The following MTHFD1L variants were observed in gnomAD, a reference collection of about 807,000 sequenced individuals.
The protein encoded by MTHFD1L is monofunctional C1-tetrahydrofolate synthase, mitochondrial.
MTHFD1L carries 81 observed loss-of-function variants against 119.5 expected under a neutral mutation model. The observed-to-expected ratio is 0.68, with a 90% CI of 0.57 to 0.82. The LOEUF is 0.82. Ranked by LOEUF, MTHFD1L falls within the 40% of genes least tolerant of loss-of-function variation. The pLI, the probability that MTHFD1L is intolerant of heterozygous loss-of-function variation, is 0.00. For missense variants in MTHFD1L, 1,125 were observed against 1,253.4 expected (o/e 0.90, Z 1.55); for synonymous variants, 430 against 475.2 (o/e 0.90, Z 1.24).
In MTHFD1L at chr6:150,865,762, G is replaced by T; in HGVS notation, c.-61G>T. The T allele has an allele frequency of 8.3e-7, 1 of 1,207,626 alleles. No homozygotes were observed. The highest frequency in any genetic ancestry group is 1.0e-6 in the Non-Finnish European group (1 of 970,088). The allele number at this position is 1,207,626 out of a possible 1,614,324, so 74.8% of individuals were successfully genotyped here. A position where few individuals can be genotyped will look rare whatever the true frequency, so the allele number is the denominator to read the frequency against. ...CCGCCGCCGCCTGCTCCCCTGGCAC[G>T]CGCCCCGCCGCCCTCGGCAGCCGCA... On this transcript the variant is annotated 5_prime_UTR_variant, in exon 1 of 28. Transcript: ENST00000367321.
intron 20 of MTHFD1L, among the ~76,000 whole-genome samples, chr6:150,986,689 C>T (rs929242727): frequency 6.6e-6 from 1 of 152,140 alleles, no homozygotes; most frequent in Non-Finnish European, 1.5e-5. Context: ...GGCTGCAGAC[C>T]AGGGGGTTAG....
chr6:150,916,737 CTTTTTTTTTTTTTTTTTT>C (rs57961829), intron 8 of MTHFD1L, among the ~76,000 whole-genome samples: 9 of 72,134 alleles, frequency 1.2e-4, no homozygotes, highest in African/African-American at 3.1e-4. Flanking sequence ...GATTCTATCC[CTTTTTTTTTTTTTTTTTT>C]TTTTTTTTTT....
chr6:150,921,597 A>G (rs6916599), intron 9 of MTHFD1L, among the ~76,000 whole-genome samples: 13,457 of 151,658 alleles, frequency 0.089, 816 homozygotes, highest in African/African-American at 0.17. Context: ...AGCTAGGATG[A>G]AGTACAGTGG....
At chr6:151,090,119 G>A (rs1011401469) in intron 26 of MTHFD1L, among the ~76,000 whole-genome samples, 21 of 152,188 alleles carry the variant, frequency 1.4e-4, no homozygotes, top group Non-Finnish European at 2.4e-4. Context: ...TGTTTTATGT[G>A]TTCCCCCAGC....
chr6:151,092,843 C>A (rs1562654125), intron 27 of MTHFD1L, among the ~76,000 whole-genome samples: 1 of 152,126 alleles, frequency 6.6e-6, no homozygotes. Flanking sequence ...GTTATGTCAT[C>A]CCTGAATATA....
intron 27 of MTHFD1L, among the ~76,000 whole-genome samples, chr6:151,098,463 G>A (rs1331101889): frequency 6.6e-6 from 1 of 152,114 alleles, no homozygotes; most frequent in Admixed American, 6.5e-5. Context: ...TGAGCCATCC[G>A]AGGAGTGCTG....
chr6:150,933,695 G>A (rs543968056), intron 11 of MTHFD1L, among the ~76,000 whole-genome samples: 8 of 152,128 alleles, frequency 5.3e-5, no homozygotes, highest in East Asian at 1.9e-4. Context: ...CCTCAGTGGC[G>A]TTTGACTTTC....
rs78279902 is a variant in MTHFD1L, at chr6:151,076,381, G to A, written c.2848-16086G>A. Among the ~76,000 whole-genome samples, 165 of 152,160 alleles carry A rather than the reference G, an allele frequency of 1.1e-3. 1 individual carries two copies. Among genetic ancestry groups the A allele is most frequent in the African/African-American group, 3.4e-3 (142 of 41,498 alleles). ...AAAAAAAGATTGGGCTGGGCACGGT[G>A]GCTCACAGCTGTAATTGCATCACTT... On this transcript the variant is annotated intron_variant, in intron 26 of 27. Coordinates refer to ENST00000367321, the MANE Select transcript of MTHFD1L (RefSeq NM_015440.5).
At chr6:151,082,002 A>G (rs1190856299) in intron 26 of MTHFD1L, among the ~76,000 whole-genome samples, 1 of 152,162 alleles carries the variant, frequency 6.6e-6, no homozygotes, top group Non-Finnish European at 1.5e-5. Flanking sequence ...GGACCTTGAC[A>G]TAAAACCCAG....
At chr6:151,069,699 C>T (rs536461543) in intron 26 of MTHFD1L, among the ~76,000 whole-genome samples, 3 of 152,148 alleles carry the variant, frequency 2.0e-5, no homozygotes, top group African/African-American at 7.2e-5. Context: ...GGGATCACTT[C>T]CCTGGTGGGA....
chr6:151,098,903 C>T (rs1462986164), intron 27 of MTHFD1L, among the ~76,000 whole-genome samples: 5 of 152,126 alleles, frequency 3.3e-5, no homozygotes, highest in African/African-American at 7.2e-5. Context: ...AGGCCAGGCA[C>T]GGTAGCTCGC....
chr6:150,937,538 A>AT (rs1366477590), intron 12 of MTHFD1L, among the ~76,000 whole-genome samples: 7 of 152,148 alleles, frequency 4.6e-5, no homozygotes, highest in Admixed American at 2.0e-4. Context: ...GCACTTCGTG[A>AT]TTTTTTAAGA....
At chr6:150,917,483 C>G (rs377171273) in intron 8 of MTHFD1L, among the ~76,000 whole-genome samples, 1 of 151,100 alleles carries the variant, frequency 6.6e-6, no homozygotes, top group Non-Finnish European at 1.5e-5. Context: ...GAGAGAGACT[C>G]TATCTCAAAA....
intron 11 of MTHFD1L, among the ~76,000 whole-genome samples, chr6:150,930,519 A>G (rs573969190): frequency 6.6e-6 from 1 of 152,100 alleles, no homozygotes; most frequent in African/African-American, 2.4e-5. Context: ...AACATAAAGT[A>G]AAAAGGAGAT....
At chr6:150,965,715 T>C (rs1402581771) in intron 19 of MTHFD1L, among the ~76,000 whole-genome samples, 2 of 152,158 alleles carry the variant, frequency 1.3e-5, no homozygotes, top group East Asian at 3.9e-4. Context: ...TGTATGGCCA[T>C]GTTTACAATT....
rs1221592325 is a variant in MTHFD1L at position 151,010,076 on chromosome 6, A to T, written c.2265+118A>T. 3 of 1,302,678 alleles carry T rather than the reference A, an allele frequency of 2.3e-6. No homozygotes were observed. The East Asian group carries it at 8.6e-5, about 37-fold the overall frequency. 80.7% of individuals were successfully genotyped at this position (1,302,678 alleles called of 1,614,324 possible). A position where few individuals can be genotyped will look rare whatever the true frequency, so the allele number is the denominator to read the frequency against. ...TATAGTTTTCTAGAGTATTTTTCTT[A>T]AAACTTTTTTTTTCCTGTAGACCTC... On this transcript the variant is annotated intron_variant, in intron 21 of 27. Coordinates refer to ENST00000367321, the MANE Select transcript of MTHFD1L (RefSeq NM_015440.5).
intron 24 of MTHFD1L, chr6:151,016,701 C>T: frequency 3.6e-6 from 1 of 281,214 alleles, no homozygotes; most frequent in South Asian, 3.5e-5. Context: ...TGTATATATA[C>T]ATACATAATA....
chr6:150,898,495 A>G (rs1349930773), intron 7 of MTHFD1L, among the ~76,000 whole-genome samples: 2 of 152,230 alleles, frequency 1.3e-5, no homozygotes, highest in East Asian at 3.9e-4. Context: ...ACTGAAAACC[A>G]TAAATGTCAG....
chr6:151,063,251 G>A (rs76640499), intron 26 of MTHFD1L, among the ~76,000 whole-genome samples: 4,924 of 152,148 alleles, frequency 0.032, 159 homozygotes, highest in Admixed American at 0.1. Flanking sequence ...AAGTTGTCTT[G>A]GAGGATATCA....
Sources: gnomAD v4.1 joint callset for allele counts (sites outside exome capture counted in the v4.1 genomes callset) on GRCh38, gnomAD v4.1.1 for gene constraint, MANE v1.5 for transcripts, NCBI Gene and HGNC (gene_info 2026-07-23, HGNC 2026-07-21) for gene names.